SLC24A2: variants seen among roughly 807,000 people sequenced by gnomAD.
SLC24A2 encodes the protein solute carrier family 24 member 2.
Under a neutral mutation model 62.0 loss-of-function variants are expected in SLC24A2, and 36 were observed. The ratio of observed to expected loss-of-function variants is 0.58; its 90% CI spans 0.44 to 0.77. The LOEUF (loss-of-function observed/expected upper bound fraction) is 0.77. Among genes scored for constraint, SLC24A2 ranks in the 30% least tolerant of loss-of-function variants. The pLI is 0.00. For missense variants in SLC24A2, 846 were observed against 817.9 expected (o/e 1.03, Z -0.42); for synonymous variants, 358 against 294.0 (o/e 1.22, Z -2.23).
At chr9:20,019,349 G>T in the SLC24A2 span, among the ~76,000 whole-genome samples, 1 of 152,076 alleles carries the variant, frequency 6.6e-6, no homozygotes, top group South Asian at 2.1e-4. Flanking sequence ...CAGCTAGAAA[G>T]ATAAATTTTA....
At chr9:19,767,933 T>C (rs957168134) in intron 2 of SLC24A2, among the ~76,000 whole-genome samples, 41 of 152,172 alleles carry the variant, frequency 2.7e-4, no homozygotes, top group African/African-American at 9.4e-4. Context: ...AGTCTTCTTG[T>C]TGGTGGGGAC....
the SLC24A2 span, among the ~76,000 whole-genome samples, chr9:19,813,357 C>G: frequency 8.0e-6 from 1 of 124,500 alleles, no homozygotes; most frequent in Non-Finnish European, 1.6e-5. Flanking sequence ...CAGTCTCACT[C>G]TGTCACCTAG....
At chr9:19,883,526 TG>T in the SLC24A2 span, among the ~76,000 whole-genome samples, 1 of 151,916 alleles carries the variant, frequency 6.6e-6, no homozygotes, top group Admixed American at 6.6e-5. Flanking sequence ...TTTACCATTT[TG>T]GGGGCTCAGT....
chr9:19,937,580 A>G, the SLC24A2 span, among the ~76,000 whole-genome samples: 2 of 152,264 alleles, frequency 1.3e-5, no homozygotes, highest in Admixed American at 6.5e-5. Context: ...GAAAATTATC[A>G]GCTGAAAATG....
At chr9:20,181,868 A>C in the SLC24A2 span, among the ~76,000 whole-genome samples, 17 of 152,196 alleles carry the variant, frequency 1.1e-4, no homozygotes, top group African/African-American at 3.1e-4. Flanking sequence ...ATGGGAGAAA[A>C]ATTTTGCAAT....
chr9:19,920,530 A>T, the SLC24A2 span, among the ~76,000 whole-genome samples: 2 of 152,086 alleles, frequency 1.3e-5, no homozygotes, highest in Non-Finnish European at 2.9e-5. Context: ...GAGGGAAGCA[A>T]ACCAGCATTG....
chr9:19,961,021 TGG>T, the SLC24A2 span, among the ~76,000 whole-genome samples: 2,092 of 135,020 alleles, frequency 0.015, 49 homozygotes, highest in African/African-American at 0.056. Flanking sequence ...ATTAGAGGGG[TGG>T]GTGTGTGTGT....
chr9:19,587,456 A>T (rs902696357), intron 5 of SLC24A2, among the ~76,000 whole-genome samples: 1 of 152,186 alleles, frequency 6.6e-6, no homozygotes. Context: ...TCAACTTTAC[A>T]TTGTAATCTG....
the SLC24A2 span, among the ~76,000 whole-genome samples, chr9:19,823,544 G>A: frequency 1.2e-4 from 18 of 152,154 alleles, no homozygotes; most frequent in Admixed American, 3.3e-4. Context: ...CAGGAAAATC[G>A]TTTGAACCAG....
chr9:20,192,801 T>C, the SLC24A2 span, among the ~76,000 whole-genome samples: 9 of 152,138 alleles, frequency 5.9e-5, no homozygotes, highest in African/African-American at 2.2e-4. Context: ...GCAGCCAAGG[T>C]TGAGAACCAC....
chr9:19,827,502 A>G, the SLC24A2 span, among the ~76,000 whole-genome samples: 5 of 151,936 alleles, frequency 3.3e-5, no homozygotes, highest in Non-Finnish European at 7.4e-5. Context: ...TTAAAAATGT[A>G]TATATATATA....
chr9:20,231,433 T>A, the SLC24A2 span, among the ~76,000 whole-genome samples: 1 of 152,212 alleles, frequency 6.6e-6, no homozygotes, highest in African/African-American at 2.4e-5. Context: ...GTAGTTCTCC[T>A]TGAAGAGGTC....
chr9:19,989,234 A>G, the SLC24A2 span, among the ~76,000 whole-genome samples: 92 of 152,328 alleles, frequency 6.0e-4, no homozygotes, highest in African/African-American at 2.1e-3. Context: ...CATGAGCTCC[A>G]GAATCATTAG....
chr9:20,295,171 G>A, the SLC24A2 span, among the ~76,000 whole-genome samples: 1 of 151,720 alleles, frequency 6.6e-6, no homozygotes, highest in Non-Finnish European at 1.5e-5. Context: ...AATCCCTAAA[G>A]TCTAAAATTC....
chr9:20,251,976 T>C, the SLC24A2 span, among the ~76,000 whole-genome samples: 1 of 152,226 alleles, frequency 6.6e-6, no homozygotes, highest in South Asian at 2.1e-4. Flanking sequence ...AGCCAGACTT[T>C]GCCACATGCT....
At chr9:19,761,243 C>A (rs1822316144) in intron 2 of SLC24A2, among the ~76,000 whole-genome samples, 1 of 152,000 alleles carries the variant, frequency 6.6e-6, no homozygotes, top group African/African-American at 2.4e-5. Context: ...AGACTATCTT[C>A]TACAATGGTT....
chr9:19,965,831 T>C, the SLC24A2 span, among the ~76,000 whole-genome samples: 1 of 152,208 alleles, frequency 6.6e-6, no homozygotes, highest in South Asian at 2.1e-4. Context: ...ATGGCCTTAC[T>C]TGGGCTTTCC....
At chr9:19,941,157 A>G in the SLC24A2 span, among the ~76,000 whole-genome samples, 1 of 152,244 alleles carries the variant, frequency 6.6e-6, no homozygotes, top group Non-Finnish European at 1.5e-5. Flanking sequence ...TATCAGTCCC[A>G]TAAAATTCTA....
intron 2 of SLC24A2, among the ~76,000 whole-genome samples, chr9:19,749,203 C>A (rs1821916342): frequency 6.6e-6 from 1 of 151,524 alleles, no homozygotes; most frequent in Admixed American, 6.6e-5. Context: ...CTCTTGAATC[C>A]TCAGCAAAAC....
Sources: gnomAD v4.1 joint callset for allele counts (sites outside exome capture counted in the v4.1 genomes callset) on GRCh38, gnomAD v4.1.1 for gene constraint, MANE v1.5 for transcripts, NCBI Gene and HGNC (gene_info 2026-07-23, HGNC 2026-07-21) for gene names.